The following RAB3C variants were observed in gnomAD, a reference collection of about 807,000 sequenced individuals.
RAB3C encodes the protein ras-related protein Rab-3C.
In RAB3C, 17 loss-of-function variants were observed where a neutral mutation model predicts 26.4. The ratio of observed to expected loss-of-function variants is 0.64; its 90% CI spans 0.44 to 0.97. RAB3C has a LOEUF of 0.97. Ranked by LOEUF, RAB3C falls within the 50% of genes least tolerant of loss-of-function variation. The pLI is 0.00. For synonymous variants in RAB3C, 91 were observed against 95.9 expected, an observed-to-expected ratio of 0.95 and a Z score of 0.30; for missense variants, 242 against 281.9, an observed-to-expected ratio of 0.86 and a Z score of 1.01.
intron 4 of RAB3C, among the ~76,000 whole-genome samples, chr5:58,841,588 AAT>A (rs1170385427): frequency 6.6e-6 from 1 of 152,142 alleles, no homozygotes; most frequent in Non-Finnish European, 1.5e-5. Context: ...GCTACAGGGC[AAT>A]ACAGCTGCAT....
intron 2 of RAB3C, among the ~76,000 whole-genome samples, chr5:58,619,699 C>A (rs1746895016): frequency 6.6e-6 from 1 of 152,054 alleles, no homozygotes; most frequent in Admixed American, 6.6e-5. Flanking sequence ...TAATTTCTGG[C>A]AAATTTTCAG....
In RAB3C at chr5:58,857,379, G is replaced by A. The variant is rs1744287429; in HGVS notation, c.*6028G>A. On this transcript the variant is annotated 3_prime_UTR_variant, in exon 5 of 5. Coordinates refer to ENST00000282878, the MANE Select transcript of RAB3C (RefSeq NM_138453.4). ...AATTGTGGATTTTATTGTCAAGACA[G>A]AATGGCTGTTCATTTATTTTATAAA... 1 of 152,084 alleles carries A rather than the reference G, an allele frequency of 6.6e-6. No homozygotes were observed. Among genetic ancestry groups the A allele is most frequent in the Non-Finnish European group, 1.5e-5 (1 of 68,010 alleles). 9.4% of individuals were successfully genotyped at this position (152,084 alleles called of 1,614,324 possible).
At position 58,859,394 on chromosome 5, in the gene RAB3C, A is replaced by G. The variant is rs1233295813; in HGVS notation, c.*8043A>G. On this transcript the variant is annotated 3_prime_UTR_variant, in exon 5 of 5. Transcript: ENST00000282878. ...AATATCTAAGAGACTATATTCCTGA[A>G]TTTCTTAGCCTTAGTCTGATTAATG... 1 of 152,130 alleles carries G rather than the reference A, an allele frequency of 6.6e-6. No individual in the cohort carries two copies. Among genetic ancestry groups the G allele is most frequent in the Non-Finnish European group, 1.5e-5 (1 of 68,022 alleles). The allele number at this position is 152,130 out of a possible 1,614,324, so 9.4% of individuals were successfully genotyped here.
rs1157426783 is a variant in RAB3C, at chr5:58,857,593, T to C, written c.*6242T>C. ...TTTCACCTCTGTACTTGTATGTATA[T>C]TTTATTGTTACTCAATCTTGTATTT... On this transcript the variant is annotated 3_prime_UTR_variant, in exon 5 of 5. Transcript: ENST00000282878. 1.3e-5 allele frequency: 2 copies of C among 152,210 alleles called. No individual in the cohort carries two copies. Among genetic ancestry groups the C allele is most frequent in the African/African-American group, 4.8e-5 (2 of 41,452 alleles). 9.4% of individuals were successfully genotyped at this position (152,210 alleles called of 1,614,324 possible).
chr5:58,767,944 T>A (rs1433165120), intron 3 of RAB3C, among the ~76,000 whole-genome samples: 2 of 152,170 alleles, frequency 1.3e-5, no homozygotes, highest in African/African-American at 2.4e-5. Flanking sequence ...GATTAAGTGG[T>A]CATGATGGCC....
At chr5:58,811,564 CT>C (rs1268044982) in intron 3 of RAB3C, among the ~76,000 whole-genome samples, 3 of 152,110 alleles carry the variant, frequency 2.0e-5, no homozygotes, top group Non-Finnish European at 4.4e-5. Flanking sequence ...GACAACAGTC[CT>C]CGATGAAGTC....
chr5:58,612,518 G>GTA (rs1554044127), intron 1 of RAB3C, among the ~76,000 whole-genome samples: 6 of 40,582 alleles, frequency 1.5e-4, no homozygotes, highest in African/African-American at 3.2e-4. Flanking sequence ...GTGTGTGTGT[G>GTA]TGTATATATA....
At chr5:58,697,409 G>T (rs566067865) in intron 2 of RAB3C, among the ~76,000 whole-genome samples, 6 of 152,246 alleles carry the variant, frequency 3.9e-5, no homozygotes, top group Admixed American at 3.3e-4. Flanking sequence ...GTTGATTTGG[G>T]GTGGAGAGTT....
intron 3 of RAB3C, among the ~76,000 whole-genome samples, chr5:58,774,205 C>G (rs1742080768): frequency 6.6e-6 from 1 of 152,086 alleles, no homozygotes; most frequent in Admixed American, 6.6e-5. Context: ...TGGTAAGCAC[C>G]AGTTTCTCTT....
chr5:58,816,245 G>C (rs1289909151), intron 3 of RAB3C, among the ~76,000 whole-genome samples: 1 of 152,116 alleles, frequency 6.6e-6, no homozygotes, highest in Non-Finnish European at 1.5e-5. Context: ...TAGCAAGAGG[G>C]TAAGTGGGCT....
intron 2 of RAB3C, among the ~76,000 whole-genome samples, chr5:58,725,323 T>C (rs947805386): frequency 1.3e-5 from 2 of 151,846 alleles, no homozygotes; most frequent in African/African-American, 4.8e-5. Flanking sequence ...TTATATGTTA[T>C]TTGCTTCTTT....
At chr5:58,809,940 CTT>C (rs1434738452) in intron 3 of RAB3C, among the ~76,000 whole-genome samples, 1 of 152,212 alleles carries the variant, frequency 6.6e-6, no homozygotes, top group Non-Finnish European at 1.5e-5. Flanking sequence ...GTTATATTAA[CTT>C]TATTATTTAC....
intron 3 of RAB3C, among the ~76,000 whole-genome samples, chr5:58,778,817 C>CA (rs2111998573): frequency 6.6e-6 from 1 of 152,084 alleles, no homozygotes; most frequent in Non-Finnish European, 1.5e-5. Flanking sequence ...CTGTATCTGA[C>CA]TGACTCTTGC....
intron 2 of RAB3C, among the ~76,000 whole-genome samples, chr5:58,664,645 C>T (rs1747968485): frequency 1.3e-5 from 2 of 152,132 alleles, no homozygotes; most frequent in Non-Finnish European, 2.9e-5. Context: ...GTGAGGGGTA[C>T]ACAGGATCTC....
At chr5:58,783,180 G>A (rs949022676) in intron 3 of RAB3C, among the ~76,000 whole-genome samples, 2 of 151,942 alleles carry the variant, frequency 1.3e-5, no homozygotes, top group South Asian at 2.1e-4. Context: ...ATAAATATAC[G>A]CTTATAAAGC....
chr5:58,696,998 C>G lies in RAB3C; in HGVS notation c.253-29004C>G, dbSNP rs112885455. On this transcript the variant is annotated intron_variant, in intron 2 of 4. Transcript: ENST00000282878. ...TGTGTTTGCTCTTACTTCTCTAGTT[C>G]TTTTAATTGTGATGTTAGGGTGTCG... Among the ~76,000 whole-genome samples the G allele has an allele frequency of 2.0e-4, 31 of 152,200 alleles. No homozygotes were observed. In the South Asian group the frequency reaches 5.2e-3, roughly 25 times the overall value.
At chr5:58,627,655 C>T (rs1747088693) in intron 2 of RAB3C, among the ~76,000 whole-genome samples, 1 of 151,960 alleles carries the variant, frequency 6.6e-6, no homozygotes. Flanking sequence ...CTTCTTTTTC[C>T]TTGTGCTTTT....
At chr5:58,697,174 T>C (rs542078891) in intron 2 of RAB3C, among the ~76,000 whole-genome samples, 82 of 152,346 alleles carry the variant, frequency 5.4e-4, no homozygotes, top group African/African-American at 1.9e-3. Flanking sequence ...CTTCATTTCG[T>C]TATTTACCCA....
At chr5:58,651,717 G>A (rs1032131928) in intron 2 of RAB3C, among the ~76,000 whole-genome samples, 7 of 152,036 alleles carry the variant, frequency 4.6e-5, no homozygotes, top group African/African-American at 1.4e-4. Context: ...GAATATGATC[G>A]TAATCAAGAT....
Sources: allele counts gnomAD v4.1 joint callset (sites outside exome capture counted in the v4.1 genomes callset), GRCh38; gene constraint gnomAD v4.1.1; transcripts MANE v1.5; gene names NCBI Gene and HGNC (gene_info 2026-07-23, HGNC 2026-07-21).